CPE: variants seen among roughly 807,000 people sequenced by gnomAD.
CPE encodes carbocypeptidase E.
CPE carries 17 observed loss-of-function variants against 53.5 expected under a neutral mutation model. The ratio of observed to expected loss-of-function variants is 0.32; its 90% CI spans 0.22 to 0.48. The LOEUF (loss-of-function observed/expected upper bound fraction) is 0.48. CPE is among the 20% of genes least tolerant of loss of function. The pLI is 0.99. For synonymous variants in CPE, 226 were observed against 228.8 expected, an observed-to-expected ratio of 0.99 and a Z score of 0.11; for missense variants, 524 against 614.7, an observed-to-expected ratio of 0.85 and a Z score of 1.56.
chr4:165,484,645 T>C (rs752323098), intron 5 of CPE, 41 bp downstream of exon 5: 18 of 1,549,370 alleles, frequency 1.2e-5, no homozygotes, highest in Non-Finnish European at 2.7e-6. Flanking sequence ...GATTGTAGCT[T>C]ATTTACAATG....
At chr4:165,387,670 G>T (rs536665247) in intron 1 of CPE, among the ~76,000 whole-genome samples, 1 of 152,064 alleles carries the variant, frequency 6.6e-6, no homozygotes, top group Non-Finnish European at 1.5e-5. Flanking sequence ...TTAGCCAGCC[G>T]TGGTGGCACA....
At chr4:165,394,527 C>T (rs567413000) in intron 1 of CPE, among the ~76,000 whole-genome samples, 96 of 151,984 alleles carry the variant, frequency 6.3e-4, no homozygotes, top group Middle Eastern at 3.4e-3. Context: ...TGTGTTGTGT[C>T]GCTGGAAGTT....
intron 3 of CPE, among the ~76,000 whole-genome samples, chr4:165,475,309 C>T (rs763935388): frequency 1.9e-4 from 29 of 152,118 alleles, no homozygotes; most frequent in Non-Finnish European, 7.4e-5. Context: ...AAAAAGTATA[C>T]AATAAATCAT....
intron 1 of CPE, among the ~76,000 whole-genome samples, chr4:165,398,514 C>A (rs552497108): frequency 3.1e-4 from 47 of 152,000 alleles, no homozygotes; most frequent in Non-Finnish European, 6.2e-4. Context: ...AAGTTAGAAA[C>A]TGAGAGTAAA....
At position 165,379,216 on chromosome 4, in the gene CPE, G is replaced by T; in HGVS notation, c.-6G>T. 1 of 1,228,618 alleles carries T rather than the reference G, an allele frequency of 8.1e-7. No homozygotes were observed. Among genetic ancestry groups the T allele is most frequent in the Non-Finnish European group, 1.0e-6 (1 of 987,846 alleles). The allele number at this position is 1,228,618 out of a possible 1,614,324, so 76.1% of individuals were successfully genotyped here. A position where few individuals can be genotyped will look rare whatever the true frequency, so the allele number is the denominator to read the frequency against. On this transcript the variant is annotated 5_prime_UTR_variant, in exon 1 of 9. Coordinates refer to ENST00000402744, the MANE Select transcript of CPE (RefSeq NM_001873.4). This position sits in a 1 kb window ranked among gnomAD's most constrained non-coding sequence, Gnocchi z 6.0. ...AAGGCACGGCCGGCGGCGGCGGAGC[G>T]CAGCGATGGCCGGGCGAGGGGGCAG...
chr4:165,426,898 C>T (rs568749135), intron 1 of CPE, among the ~76,000 whole-genome samples: 7 of 152,268 alleles, frequency 4.6e-5, no homozygotes, highest in South Asian at 2.1e-4. Flanking sequence ...GAAAGCTCTT[C>T]GAGGCAGAGA....
rs1732746975 is a variant in CPE, at chr4:165,498,502, G to A, written c.*892G>A. On this transcript the variant is annotated 3_prime_UTR_variant, in exon 9 of 9. Transcript: ENST00000402744. ...TGTATGTTATTGTGGCAGGCAAAAG[G>A]TTCTGATTTTGGGCACAACCTTTAT... is the stretch of plus-strand genomic sequence containing the variant. Among the ~76,000 whole-genome samples the A allele has an allele frequency of 1.3e-5, 2 of 152,258 alleles. No homozygotes were observed. The highest frequency in any genetic ancestry group is 4.1e-4 in the South Asian group (2 of 4,826).
intron 1 of CPE, among the ~76,000 whole-genome samples, chr4:165,433,181 T>C (rs536944072): frequency 6.6e-6 from 1 of 152,310 alleles, no homozygotes; most frequent in South Asian, 2.1e-4. Context: ...CTTTCCTTGT[T>C]AGGCAGAGAC....
At chr4:165,427,644 C>T (rs1231728213) in intron 1 of CPE, among the ~76,000 whole-genome samples, 1 of 152,188 alleles carries the variant, frequency 6.6e-6, no homozygotes, top group Non-Finnish European at 1.5e-5. Flanking sequence ...AGATTGTCTT[C>T]CATAGCAAGT....
intron 1 of CPE, among the ~76,000 whole-genome samples, chr4:165,418,891 T>G (rs1436998645): frequency 1.3e-5 from 2 of 152,158 alleles, no homozygotes; most frequent in East Asian, 1.9e-4. Flanking sequence ...AACTAATCAT[T>G]TGGAATAGTA....
At chr4:165,440,469 C>A (rs1579262461) in intron 1 of CPE, among the ~76,000 whole-genome samples, 1 of 131,920 alleles carries the variant, frequency 7.6e-6, no homozygotes, top group African/African-American at 2.9e-5. Context: ...CCCCCACACA[C>A]ACAAGCTGTG....
intron 1 of CPE, among the ~76,000 whole-genome samples, chr4:165,421,444 A>T (rs1279692838): frequency 2.7e-4 from 41 of 152,140 alleles, no homozygotes; most frequent in Admixed American, 2.7e-3. Context: ...GACATTTGTA[A>T]CTTTTGTCTT....
chr4:165,447,233 A>G (rs1401996912), intron 1 of CPE, among the ~76,000 whole-genome samples: 7 of 152,122 alleles, frequency 4.6e-5, no homozygotes, highest in Admixed American at 3.3e-4. Context: ...AAAACTGTAA[A>G]CCTTATTAAC....
At chr4:165,408,535 G>T (rs112926948) in intron 1 of CPE, among the ~76,000 whole-genome samples, 1 of 152,196 alleles carries the variant, frequency 6.6e-6, no homozygotes, top group African/African-American at 2.4e-5. Flanking sequence ...AAAGGGCACC[G>T]TAGGAATTTA....
intron 1 of CPE, among the ~76,000 whole-genome samples, chr4:165,395,966 A>T (rs1389616770): frequency 6.6e-6 from 1 of 152,192 alleles, no homozygotes; most frequent in Non-Finnish European, 1.5e-5. Context: ...CCAATCGGTT[A>T]TTCTAAGACC....
chr4:165,482,412 AGGTT>A, intron 4 of CPE, 53 bp downstream of exon 4: 1 of 1,244,258 alleles, frequency 8.0e-7, no homozygotes, highest in Non-Finnish European at 1.2e-6. Flanking sequence ...ACACTGTACA[AGGTT>A]TTATAAGATG....
intron 1 of CPE, among the ~76,000 whole-genome samples, chr4:165,393,988 G>A (rs1343376787): frequency 6.6e-6 from 1 of 152,184 alleles, no homozygotes. Context: ...TTTTTGGAGG[G>A]CTGGGCCTTC....
rs202238519 is a variant in CPE, at chr4:165,495,619, C to T, written c.1274C>T (p.Ala425Val). 53 of 1,614,030 alleles carry T rather than the reference C, an allele frequency of 3.3e-5. No individual in the cohort carries two copies. The African/African-American group carries it at 6.1e-4, about 19-fold the overall frequency. Residue 425 changes from alanine to valine, a missense_variant, in exon 8 of 9, where the codon GCT becomes GTT. Coordinates refer to ENST00000402744, the MANE Select transcript of CPE (RefSeq NM_001873.4). ...IPGNYKLTAS[A>V]PGYLAITKKV... is the part of the protein sequence containing the mutation. ...GGAAACTATAAACTTACAGCCTCAGCTCCAGGCTATCTGGCAATAACAAAG... is the reference window on the plus strand; with the variant it reads ...GGAAACTATAAACTTACAGCCTCAGTTCCAGGCTATCTGGCAATAACAAAG...
chr4:165,477,024 A>G (rs1406314200), intron 3 of CPE, among the ~76,000 whole-genome samples: 1 of 152,212 alleles, frequency 6.6e-6, no homozygotes, highest in East Asian at 1.9e-4. Flanking sequence ...CATTGCTTGC[A>G]TTGACTTGCT....
Sources: allele counts gnomAD v4.1 joint callset (sites outside exome capture counted in the v4.1 genomes callset), GRCh38; gene constraint gnomAD v4.1.1; non-coding constraint Gnocchi (gnomAD v3.1); transcripts MANE v1.5; gene names NCBI Gene and HGNC (gene_info 2026-07-23, HGNC 2026-07-21).